Variants in FLNB observed in about 807,000 individuals in gnomAD.
FLNB encodes filamin B, also known as filamin-B.
Under a neutral mutation model 250.6 loss-of-function variants are expected in FLNB, and 111 were observed. The observed-to-expected ratio is 0.44, with a 90% CI of 0.38 to 0.52. FLNB has a LOEUF of 0.52. FLNB is among the 20% of genes least tolerant of loss of function. The pLI is 0.00. For missense variants in FLNB, 2,869 were observed against 3,447.8 expected (o/e 0.83, Z 4.20); for synonymous variants, 1,302 against 1,372.1 (o/e 0.95, Z 1.13).
At chr3:58,035,338 T>G (rs557414231) in intron 1 of FLNB, among the ~76,000 whole-genome samples, 1 of 152,346 alleles carries the variant, frequency 6.6e-6, no homozygotes, top group African/African-American at 2.4e-5. Flanking sequence ...TTACTTAGAC[T>G]TGGATATGAA....
chr3:58,093,729 A>C (rs1416570592), intron 4 of FLNB, among the ~76,000 whole-genome samples: 3 of 152,142 alleles, frequency 2.0e-5, no homozygotes, highest in Non-Finnish European at 4.4e-5. Context: ...GATGTTCTTC[A>C]GTGGGCGAAT....
At chr3:58,037,058 C>CT (rs549716136) in intron 1 of FLNB, among the ~76,000 whole-genome samples, 1,063 of 103,582 alleles carry the variant, frequency 0.01, 77 homozygotes, top group Middle Eastern at 0.022. Flanking sequence ...ACATTAGAGT[C>CT]TTTTTTTTTT....
At chr3:58,081,314 A>G (rs1461600751) in intron 3 of FLNB, among the ~76,000 whole-genome samples, 1 of 152,114 alleles carries the variant, frequency 6.6e-6, no homozygotes, top group Non-Finnish European at 1.5e-5. Context: ...GCTATAGCTT[A>G]TCCTTTTATC....
rs766238081 is a variant in FLNB, at chr3:58,130,700, A to G, written c.4223-41A>G. On this transcript the variant is annotated intron_variant, in intron 24 of 45. Coordinates refer to ENST00000295956, the MANE Select transcript of FLNB (RefSeq NM_001457.4). ...CTGGGTGTGCACAAGGTGGTCTCCAATTCCCAGCTTGTGCTCAGAATCCCA... is the reference window on the plus strand; with the variant it reads ...CTGGGTGTGCACAAGGTGGTCTCCAGTTCCCAGCTTGTGCTCAGAATCCCA... The G allele has an allele frequency of 6.2e-6, 10 of 1,600,292 alleles. No individual in the cohort carries two copies. The South Asian group carries it at 7.9e-5, about 13-fold the overall frequency.
At chr3:58,119,915 A>G (rs563147930) in intron 19 of FLNB, among the ~76,000 whole-genome samples, 1 of 152,266 alleles carries the variant, frequency 6.6e-6, no homozygotes, top group South Asian at 2.1e-4. Context: ...CTGCCTTCCA[A>G]CAGTGCATCT....
Position 58,171,224 on chromosome 3 carries a change from C to G in FLNB, c.*462C>G, listed in dbSNP as rs762259334. On this transcript the variant is annotated 3_prime_UTR_variant, in exon 46 of 46. Transcript: ENST00000295956. This position sits in a 1 kb window ranked among gnomAD's most constrained non-coding sequence, Gnocchi z 5.5. ...TGACTTAAAATCCGCTTAATCTCTT[C>G]CAGTGTCCGTGTTAATGTATTTGGC... 2 of 212,826 alleles carry G rather than the reference C, an allele frequency of 9.4e-6. No individual in the cohort carries two copies. Among genetic ancestry groups the G allele is most frequent in the Non-Finnish European group, 1.9e-5 (2 of 105,842 alleles). The allele number at this position is 212,826 out of a possible 1,614,324, so 13.2% of individuals were successfully genotyped here.
At chr3:58,134,853 T>C (rs1490295595) in intron 27 of FLNB, 81 bp downstream of exon 27, 1 of 1,334,644 alleles carries the variant, frequency 7.5e-7, no homozygotes, top group Non-Finnish European at 1.1e-6. Flanking sequence ...AGGGTTTCAA[T>C]AACCGATTTC....
chr3:58,046,450 G>T (rs1472931091), intron 1 of FLNB, among the ~76,000 whole-genome samples: 2 of 143,476 alleles, frequency 1.4e-5, no homozygotes, highest in African/African-American at 2.6e-5. Context: ...TATAATTTTA[G>T]AATTGTTTTT....
intron 41 of FLNB, among the ~76,000 whole-genome samples, chr3:58,156,897 A>G (rs1335412647): frequency 6.6e-6 from 1 of 152,090 alleles, no homozygotes; most frequent in Admixed American, 6.5e-5. Flanking sequence ...GGGTTGCACC[A>G]TGTTGGCCAG....
intron 1 of FLNB, among the ~76,000 whole-genome samples, chr3:58,072,079 C>A (rs542792448): frequency 6.6e-6 from 1 of 152,286 alleles, no homozygotes; most frequent in Non-Finnish European, 1.5e-5. Context: ...AATTAAGTTT[C>A]TAGCTATTAA....
At chr3:58,038,296 G>C (rs1252184058) in intron 1 of FLNB, among the ~76,000 whole-genome samples, 1 of 152,104 alleles carries the variant, frequency 6.6e-6, no homozygotes, top group East Asian at 1.9e-4. Flanking sequence ...CCCAAAGTGT[G>C]GGGATTACAG....
chr3:58,098,632 C>T, intron 7 of FLNB, 79 bp from the exon 8 acceptor site: 1 of 1,370,360 alleles, frequency 7.3e-7, no homozygotes, highest in South Asian at 1.2e-5. Flanking sequence ...CACACTGGTC[C>T]TGTTTGCATT....
Position 58,109,381 on chromosome 3 carries a change from C to G in FLNB, c.2199+59C>G, listed in dbSNP as rs1037468048. 13 of 1,588,056 alleles carry G rather than the reference C, an allele frequency of 8.2e-6. No homozygotes were observed. The African/African-American group carries it at 1.2e-4, about 15-fold the overall frequency. On this transcript the variant is annotated intron_variant, in intron 14 of 45. Coordinates refer to ENST00000295956, the MANE Select transcript of FLNB (RefSeq NM_001457.4). ...GGAAATGCCTGGTCATACACCAGGTCTGGGATCCATGCCTGACAGCCAAGG... is the reference window on the plus strand; with the variant it reads ...GGAAATGCCTGGTCATACACCAGGTGTGGGATCCATGCCTGACAGCCAAGG...
At chr3:58,132,269 G>T (rs1240181388) in intron 25 of FLNB, 3 of 501,090 alleles carry the variant, frequency 6.0e-6, no homozygotes, top group African/African-American at 1.9e-5. Context: ...CACCTTGAGG[G>T]TCCCCTTGCC....
In FLNB at chr3:58,169,560, A is replaced by T. The variant is rs148453175; in HGVS notation, c.7418-30A>T. ...GAGACCCCTCTTGATCTGGCCATTC[A>T]TGCCTGTCCCCCTCCCTCCTGTATC... On this transcript the variant is annotated intron_variant, in intron 44 of 45. Coordinates refer to ENST00000295956, the MANE Select transcript of FLNB (RefSeq NM_001457.4). The surrounding 1 kb of genome is among the most constrained non-coding windows in gnomAD (Gnocchi z 4.8). 59 of 1,589,606 alleles carry T rather than the reference A, an allele frequency of 3.7e-5. No homozygotes were observed. In the African/African-American group the frequency reaches 6.0e-4, roughly 16 times the overall value.
chr3:58,167,786 C>T (rs552147515), intron 43 of FLNB, among the ~76,000 whole-genome samples: 9 of 152,368 alleles, frequency 5.9e-5, no homozygotes, highest in Admixed American at 2.6e-4. Context: ...GCAGGAATCA[C>T]GGAAAGGATT....
chr3:58,031,543 C>CT (rs764190111), intron 1 of FLNB, among the ~76,000 whole-genome samples: 39,821 of 77,066 alleles, frequency 0.52, 11,556 homozygotes, highest in South Asian at 0.67. Flanking sequence ...CGTGCCCTGC[C>CT]TTTTTTTTTT....
intron 39 of FLNB, 55 bp downstream of exon 39, chr3:58,153,696 G>A: frequency 1.2e-6 from 2 of 1,601,216 alleles, no homozygotes; most frequent in South Asian, 1.1e-5. Flanking sequence ...AGCCCAGGCA[G>A]TGTGGGCACC....
At position 58,142,589 on chromosome 3, in the gene FLNB, T is replaced by C. The variant is rs2097328922; in HGVS notation, c.5182-61T>C. The C allele has an allele frequency of 7.0e-7, 1 of 1,421,430 alleles. No homozygotes were observed. Among genetic ancestry groups the C allele is most frequent in the Admixed American group, 1.7e-5 (1 of 58,676 alleles). 88.1% of individuals were successfully genotyped at this position (1,421,430 alleles called of 1,614,324 possible). A position where few individuals can be genotyped will look rare whatever the true frequency, so the allele number is the denominator to read the frequency against. On this transcript the variant is annotated intron_variant, in intron 30 of 45. Coordinates refer to ENST00000295956, the MANE Select transcript of FLNB (RefSeq NM_001457.4). The surrounding 1 kb of genome is among the most constrained non-coding windows in gnomAD (Gnocchi z 4.3). ...GAATTCCCAGCAGCTCTAACCCCTG[T>C]AGCTTCACCAGCTCCCGCTGTTGTC...
Sources: gnomAD v4.1 joint callset for allele counts (sites outside exome capture counted in the v4.1 genomes callset) on GRCh38, gnomAD v4.1.1 for gene constraint, Gnocchi (gnomAD v3.1) non-coding constraint, MANE v1.5 for transcripts, NCBI Gene and HGNC (gene_info 2026-07-23, HGNC 2026-07-21) for gene names.